Variants in DMRT1 observed in about 807,000 individuals in gnomAD.
The protein encoded by DMRT1 is doublesex and mab-3 related transcription factor 1.
A neutral mutation model predicts 32.3 loss-of-function variants in DMRT1; 7 were observed. That is an observed-to-expected ratio of 0.22 (90% CI 0.12 to 0.41). The LOEUF is 0.41. Among genes scored for constraint, DMRT1 ranks in the 10% least tolerant of loss-of-function variants. The pLI is 1.00. For missense variants in DMRT1, 625 were observed against 500.5 expected, an observed-to-expected ratio of 1.25 and a Z score of -2.37; for synonymous variants, 278 against 206.1, an observed-to-expected ratio of 1.35 and a Z score of -2.99.
chr9:863,171 A>AGCCAG (rs1163391166), intron 2 of DMRT1, among the ~76,000 whole-genome samples: 1 of 139,760 alleles, frequency 7.2e-6, no homozygotes, highest in Non-Finnish European at 1.6e-5. Context: ...AAAAAAAATT[A>AGCCAG]GCCAGGTGTG....
intron 4 of DMRT1, among the ~76,000 whole-genome samples, chr9:919,559 T>G (rs891054624): frequency 7.9e-5 from 12 of 152,278 alleles, no homozygotes; most frequent in Non-Finnish European, 1.5e-4. Flanking sequence ...AGAGAGATGG[T>G]GGAGTCAGAT....
intron 2 of DMRT1, among the ~76,000 whole-genome samples, chr9:860,324 A>T (rs953576497): frequency 6.6e-6 from 1 of 152,164 alleles, no homozygotes; most frequent in Non-Finnish European, 1.5e-5. Flanking sequence ...TAAAAAGTAA[A>T]ATAAAATACA....
chr9:874,187 C>T (rs1361324724), intron 2 of DMRT1, among the ~76,000 whole-genome samples: 4 of 152,188 alleles, frequency 2.6e-5, no homozygotes. Flanking sequence ...AATGAGTCAA[C>T]AATACCTCTT....
chr9:900,848 C>T (rs953822914), intron 3 of DMRT1, among the ~76,000 whole-genome samples: 16 of 151,770 alleles, frequency 1.1e-4, no homozygotes, highest in African/African-American at 3.9e-4. Context: ...CCATGCCACA[C>T]CTGGCTAATT....
intron 3 of DMRT1, among the ~76,000 whole-genome samples, chr9:903,881 A>G (rs550000822): frequency 1.4e-4 from 22 of 152,166 alleles, no homozygotes; most frequent in Non-Finnish European, 2.9e-4. Context: ...CATCCCAGGA[A>G]GCCAGATAGA....
At chr9:929,409 C>G (rs1379948851) in intron 4 of DMRT1, among the ~76,000 whole-genome samples, 1 of 152,006 alleles carries the variant, frequency 6.6e-6, no homozygotes, top group Non-Finnish European at 1.5e-5. Flanking sequence ...ATTTTTATTT[C>G]TACAAAAACA....
intron 2 of DMRT1, among the ~76,000 whole-genome samples, chr9:850,948 G>C (rs1839119935): frequency 6.7e-6 from 1 of 148,716 alleles, no homozygotes; most frequent in African/African-American, 2.5e-5. Flanking sequence ...GGAATCTCTT[G>C]AATCTGGGAG....
intron 4 of DMRT1, among the ~76,000 whole-genome samples, chr9:959,244 G>C (rs149180929): frequency 7.9e-5 from 12 of 152,316 alleles, no homozygotes; most frequent in African/African-American, 2.9e-4. Context: ...TGCACTTGTG[G>C]TGTGTGTGGC....
At chr9:876,687 A>C (rs529596061) in intron 2 of DMRT1, among the ~76,000 whole-genome samples, 1 of 151,968 alleles carries the variant, frequency 6.6e-6, no homozygotes, top group African/African-American at 2.4e-5. Context: ...TCGTGCCACT[A>C]TGCCCAGCTA....
intron 2 of DMRT1, among the ~76,000 whole-genome samples, chr9:849,409 C>T (rs1196838276): frequency 6.6e-6 from 1 of 152,188 alleles, no homozygotes; most frequent in East Asian, 1.9e-4. Context: ...CATGGGTCTT[C>T]ACAGGAAGAA....
rs796748348 is a variant in DMRT1 at position 871,622 on chromosome 9, C to T, written c.539-22290C>T. Among the ~76,000 whole-genome samples the T allele has an allele frequency of 4.2e-3, 297 of 71,266 alleles. 3 individuals are homozygous for T. The highest frequency in any genetic ancestry group is 0.018 in the African/African-American group (278 of 15,508). The allele number at this position is 71,266 out of a possible 152,430, so 46.8% of individuals were successfully genotyped here. ...TCCCAAAGTGCTGGGATTACAGACGCGAGCCACCGCGCCGGCTAACTTTTT... is the reference window on the plus strand; with the variant it reads ...TCCCAAAGTGCTGGGATTACAGACGTGAGCCACCGCGCCGGCTAACTTTTT... On this transcript the variant is annotated intron_variant, in intron 2 of 4. Coordinates refer to ENST00000382276, the MANE Select transcript of DMRT1 (RefSeq NM_021951.3).
intron 4 of DMRT1, among the ~76,000 whole-genome samples, chr9:948,702 G>A (rs1052190742): frequency 2.6e-5 from 4 of 152,032 alleles, no homozygotes; most frequent in Non-Finnish European, 5.9e-5. Flanking sequence ...AAACAGTTGA[G>A]TGGCCACCCA....
chr9:911,733 C>G (rs1817995882), intron 3 of DMRT1, among the ~76,000 whole-genome samples: 2 of 152,122 alleles, frequency 1.3e-5, no homozygotes. Context: ...CTCAGGTGAT[C>G]CACTCACCAC....
In DMRT1 at chr9:968,018, T is replaced by A; in HGVS notation, c.1001T>A (p.Leu334Ter). The change falls in exon 5 of 5, where the codon TTG becomes TAG. Residue 334 changes from leucine to a stop codon, truncating the protein, a stop_gained. Coordinates refer to ENST00000382276, the MANE Select transcript of DMRT1 (RefSeq NM_021951.3). LOFTEE classifies it high-confidence loss of function. ...CCGCCCAGCAGTCAAGATTCTGGCT[T>A]GGTTTCCCTCTCGAGCAGCTCTCCT... The part of the protein sequence containing the change: ...FSPPSSQDSG[L>*]VSLSSSSPIS... 1 of 1,614,128 alleles carries A rather than the reference T, an allele frequency of 6.2e-7. No homozygotes were observed. The highest frequency in any genetic ancestry group is 8.5e-7 in the Non-Finnish European group (1 of 1,180,036).
At chr9:875,297 G>C (rs1405340649) in intron 2 of DMRT1, among the ~76,000 whole-genome samples, 1 of 152,132 alleles carries the variant, frequency 6.6e-6, no homozygotes, top group African/African-American at 2.4e-5. Context: ...AGTTACAGAT[G>C]ATACCAGGTG....
intron 4 of DMRT1, among the ~76,000 whole-genome samples, chr9:944,262 T>C (rs1819170419): frequency 1.3e-5 from 2 of 152,228 alleles, no homozygotes; most frequent in African/African-American, 4.8e-5. Flanking sequence ...TCCTTAATTA[T>C]TGTGTGTTCC....
chr9:892,792 A>G (rs935595849), intron 2 of DMRT1, among the ~76,000 whole-genome samples: 1 of 151,992 alleles, frequency 6.6e-6, no homozygotes, highest in Non-Finnish European at 1.5e-5. Context: ...ACCCTAGCCC[A>G]TCTTTCATAC....
At chr9:911,470 ATTTTTTTTTTTTTTTT>A (rs201141931) in intron 3 of DMRT1, among the ~76,000 whole-genome samples, 124 of 66,982 alleles carry the variant, frequency 1.9e-3, no homozygotes, top group African/African-American at 2.4e-3. Flanking sequence ...GGTTAATTGC[ATTTTTTTTTTTTTTTT>A]TTTTTTTTTT....
chr9:951,299 T>C (rs1222631806), intron 4 of DMRT1, among the ~76,000 whole-genome samples: 1 of 152,224 alleles, frequency 6.6e-6, no homozygotes, highest in Non-Finnish European at 1.5e-5. Context: ...GAAAAATGAT[T>C]TTGAGATTAG....
Sources: allele counts gnomAD v4.1 joint callset (sites outside exome capture counted in the v4.1 genomes callset), GRCh38; gene constraint gnomAD v4.1.1; transcripts MANE v1.5; gene names NCBI Gene and HGNC (gene_info 2026-07-23, HGNC 2026-07-21).